Variants in ICE2 observed in about 807,000 individuals in gnomAD.
ICE2 encodes little elongation complex subunit 2.
ICE2 carries 87 observed loss-of-function variants against 105.4 expected under a neutral mutation model. The ratio of observed to expected loss-of-function variants is 0.83; its 90% CI spans 0.69 to 0.99. The LOEUF (loss-of-function observed/expected upper bound fraction) is 0.99. Ranked by LOEUF, ICE2 falls within the 50% of genes least tolerant of loss-of-function variation. ICE2 has a pLI of 0.00. For synonymous variants in ICE2, 399 were observed against 392.0 expected (o/e 1.02, Z -0.21); for missense variants, 1,323 against 1,146.7 (o/e 1.15, Z -2.22).
At chr15:60,433,496 ATTTTT>A (rs1020348271) in intron 13 of ICE2, among the ~76,000 whole-genome samples, 3 of 145,102 alleles carry the variant, frequency 2.1e-5, no homozygotes, top group Non-Finnish European at 3.1e-5. Context: ...CCCTCTCTTT[ATTTTT>A]ATTTTTTTGA....
chr15:60,424,173 G>GTA (rs576328372), intron 15 of ICE2, among the ~76,000 whole-genome samples: 26 of 152,110 alleles, frequency 1.7e-4, no homozygotes, highest in African/African-American at 5.1e-4. Context: ...GTCAGAGGTG[G>GTA]TAAACAGGGA....
rs111410255 is a variant in ICE2 at position 60,423,588 on chromosome 15, A to C, written c.*46T>G. The C allele has an allele frequency of 6.6e-7, 1 of 1,522,060 alleles. No individual in the cohort carries two copies. Among genetic ancestry groups the C allele is most frequent in the African/African-American group, 1.4e-5 (1 of 70,114 alleles). 94.3% of individuals were successfully genotyped at this position (1,522,060 alleles called of 1,614,324 possible). A position where few individuals can be genotyped will look rare whatever the true frequency, so the allele number is the denominator to read the frequency against. ...TCCCTCAAACTTATCTAAATTAAACACTGTTATAACTGTTTTTTTAAATTT... is the reference window on the plus strand; with the variant it reads ...TCCCTCAAACTTATCTAAATTAAACCCTGTTATAACTGTTTTTTTAAATTT... On this transcript the variant is annotated 3_prime_UTR_variant, in exon 16 of 16. Coordinates refer to ENST00000261520, the MANE Select transcript of ICE2 (RefSeq NM_024611.6).
At chr15:60,451,212 A>G (rs574308450) in intron 9 of ICE2, 23 of 622,138 alleles carry the variant, frequency 3.7e-5, no homozygotes, top group Non-Finnish European at 4.4e-5. Context: ...AGGAATCCAG[A>G]AAGTATGAAT....
In ICE2 at chr15:60,472,763, G is replaced by T. The variant is rs2064640194; in HGVS notation, c.146+3300C>A. On this transcript the variant is annotated intron_variant, in intron 3 of 15. Coordinates refer to ENST00000261520, the MANE Select transcript of ICE2 (RefSeq NM_024611.6). ...GTCTATTCAGGTGGCTGAGGTAGGA[G>T]GATCACCTGAGCCCAGGAATTTGAG... Among the ~76,000 whole-genome samples, 4 of 152,188 alleles carry T rather than the reference G, an allele frequency of 2.6e-5. No homozygotes were observed. The South Asian group carries it at 8.3e-4, about 32-fold the overall frequency.
chr15:60,461,820 A>G (rs1336499556), intron 5 of ICE2, among the ~76,000 whole-genome samples: 1 of 152,206 alleles, frequency 6.6e-6, no homozygotes, highest in African/African-American at 2.4e-5. Flanking sequence ...TTCACACTAA[A>G]AGAAACAAGG....
chr15:60,427,564 A>G (rs1050019083), intron 15 of ICE2, among the ~76,000 whole-genome samples: 1 of 152,112 alleles, frequency 6.6e-6, no homozygotes, highest in African/African-American at 2.4e-5. Flanking sequence ...GGAAATGATT[A>G]CAGGTGTGCA....
In ICE2 at chr15:60,449,088, C is replaced by T. The variant is rs202029444; in HGVS notation, c.1879G>A (p.Glu627Lys). ...NQTNTACSPE[E>K]SCVLKKPIKR... ...ATAGGTTTTTTTAAAACACATGACT[C>T]TTCAGGACTACAAGCAGTATTAGTC... The change falls in exon 10 of 16, where the codon GAG (glutamate) becomes AAG (lysine). Residue 627 changes from glutamate (E) to lysine (K), a missense_variant. Glu to Lys is a moderately conservative substitution (Grantham distance 56, BLOSUM62 1). Coordinates refer to ENST00000261520, the MANE Select transcript of ICE2 (RefSeq NM_024611.6). 3.7e-6 allele frequency: 6 copies of T among 1,613,958 alleles called. No homozygotes were observed. Among genetic ancestry groups the T allele is most frequent in the Non-Finnish European group, 5.1e-6 (6 of 1,179,902 alleles).
chr15:60,471,569 A>C (rs1237574909), intron 3 of ICE2, among the ~76,000 whole-genome samples: 1 of 152,216 alleles, frequency 6.6e-6, no homozygotes, highest in Non-Finnish European at 1.5e-5. Flanking sequence ...TAGCAGTTTA[A>C]ATTGGCTACA....
intron 5 of ICE2, among the ~76,000 whole-genome samples, chr15:60,466,227 C>T (rs944965727): frequency 6.6e-6 from 1 of 152,124 alleles, no homozygotes; most frequent in South Asian, 2.1e-4. Context: ...ATAATGAGCA[C>T]AAGTTCACTT....
Position 60,476,091 on chromosome 15 carries a change from A to C in ICE2, c.118T>G (p.Leu40Val), listed in dbSNP as rs1350326328. ...TTGGATAAAACACGTAGTTCTTTTA[A>C]ACTTGGAGCCATGGAATGATCTTTA... ...NYKDHSMAPS[L>V]KELRVLSNRR... The change falls in exon 3 of 16, where the codon TTA becomes GTA. Residue 40 changes from leucine to valine, a missense_variant. Physicochemically the swap from Leu to Val is conservative, Grantham distance 32 (BLOSUM62 1). Transcript: ENST00000261520. 13 of 1,604,624 alleles carry C rather than the reference A, an allele frequency of 8.1e-6. No homozygotes were observed. Among genetic ancestry groups the C allele is most frequent in the Non-Finnish European group, 1.1e-5 (13 of 1,176,418 alleles).
chr15:60,452,845 T>G (rs1038947917), intron 9 of ICE2: 1 of 985,022 alleles, frequency 1.0e-6, no homozygotes, highest in African/African-American at 1.7e-5. Context: ...CGAGGTCACA[T>G]AGCTACTAAG....
intron 8 of ICE2, 38 bp downstream of exon 8, chr15:60,454,962 CTCT>C: frequency 6.7e-7 from 1 of 1,501,064 alleles, no homozygotes. Flanking sequence ...AGTCCAACTT[CTCT>C]TTTTTGAGAG....
intron 3 of ICE2, among the ~76,000 whole-genome samples, chr15:60,473,197 G>C (rs1188502319): frequency 6.6e-6 from 1 of 151,398 alleles, no homozygotes. Context: ...CTTGCCCCTA[G>C]CCTCCCAAAG....
intron 13 of ICE2, among the ~76,000 whole-genome samples, chr15:60,433,699 C>A (rs1419693719): frequency 6.6e-6 from 1 of 151,870 alleles, no homozygotes; most frequent in Non-Finnish European, 1.5e-5. Context: ...CCATGTTGGC[C>A]AGGCTGGTCT....
At chr15:60,439,879 C>A (rs1328333196) in intron 12 of ICE2, 1 of 152,234 alleles carries the variant, frequency 6.6e-6, no homozygotes, top group African/African-American at 2.4e-5. Context: ...TCTAGAGTCA[C>A]TGGAACAACA....
At chr15:60,451,238 G>A (rs968568720) in intron 9 of ICE2, 15 of 593,730 alleles carry the variant, frequency 2.5e-5, no homozygotes, top group African/African-American at 2.4e-4. Flanking sequence ...TAAACGATGA[G>A]AATATATATG....
chr15:60,455,868 T>G (rs958083774), intron 6 of ICE2, among the ~76,000 whole-genome samples: 4 of 152,126 alleles, frequency 2.6e-5, no homozygotes, highest in African/African-American at 9.7e-5. Flanking sequence ...TCCGCCTGCC[T>G]CGGCCTCCCA....
intron 2 of ICE2, 37 bp from the exon 3 acceptor site, chr15:60,476,204 CA>C: frequency 7.5e-7 from 1 of 1,333,754 alleles, no homozygotes; most frequent in Middle Eastern, 2.1e-4. Flanking sequence ...TTTGACAATT[CA>C]AAATCTCATG....
In ICE2 at chr15:60,448,858, C is replaced by T; in HGVS notation, c.2109G>A (p.Lys703=). Residue 703 remains lysine (K), a synonymous_variant, in exon 10 of 16, where the codon AAG becomes AAA. Coordinates refer to ENST00000261520, the MANE Select transcript of ICE2 (RefSeq NM_024611.6). ...TAAATATTTACTTACGTCCTTTTGG[C>T]TTCTGAAATGCAGAAGGCCATCCAG... ...PKSGWPSAFQ[K]PKGRLPYELQ... 6.3e-7 allele frequency: 1 copy of T among 1,580,076 alleles called. No homozygotes were observed. Among genetic ancestry groups the T allele is most frequent in the Non-Finnish European group, 8.6e-7 (1 of 1,168,206 alleles).
Sources: gnomAD v4.1 joint callset for allele counts (sites outside exome capture counted in the v4.1 genomes callset) on GRCh38, gnomAD v4.1.1 for gene constraint, MANE v1.5 for transcripts, NCBI Gene and HGNC (gene_info 2026-07-23, HGNC 2026-07-21) for gene names.